ZNF536: variants seen among roughly 807,000 people sequenced by gnomAD.
ZNF536 encodes zinc finger protein 536.
A neutral mutation model predicts 84.5 loss-of-function variants in ZNF536; 13 were observed. The ratio of observed to expected loss-of-function variants is 0.15; its 90% CI spans 0.10 to 0.24. ZNF536 has a LOEUF of 0.24. ZNF536 is among the 10% of genes least tolerant of loss of function. ZNF536 has a pLI of 1.00. For missense variants in ZNF536, 1,536 were observed against 1,747.5 expected (o/e 0.88, Z 2.16); for synonymous variants, 811 against 742.5 (o/e 1.09, Z -1.50).
At chr19:30,514,120 A>G (rs1476129293) in intron 2 of ZNF536, among the ~76,000 whole-genome samples, 1 of 152,168 alleles carries the variant, frequency 6.6e-6, no homozygotes, top group Non-Finnish European at 1.5e-5. Flanking sequence ...GAAGCTGAGC[A>G]GATTGTGCCA....
chr19:30,322,128 C>T (rs2046878174), intron 2 of ZNF536, among the ~76,000 whole-genome samples: 1 of 152,110 alleles, frequency 6.6e-6, no homozygotes, highest in African/African-American at 2.4e-5. Flanking sequence ...AAAAATTGTA[C>T]CACTAGCTTT....
chr19:30,600,750 G>C (rs553196715), intron 1 of ZNF536, among the ~76,000 whole-genome samples: 1 of 152,322 alleles, frequency 6.6e-6, no homozygotes, highest in African/African-American at 2.4e-5. Flanking sequence ...ATTCTGTGAT[G>C]TGTATGCAAG....
intron 2 of ZNF536, among the ~76,000 whole-genome samples, chr19:30,466,728 G>A (rs1445168924): frequency 7.0e-6 from 1 of 142,586 alleles, no homozygotes; most frequent in Non-Finnish European, 1.5e-5. Flanking sequence ...AAGGAAGGAA[G>A]GAGGGAGGGA....
chr19:30,491,184 C>T (rs1014016611), intron 2 of ZNF536, among the ~76,000 whole-genome samples: 3 of 152,126 alleles, frequency 2.0e-5, no homozygotes, highest in Non-Finnish European at 4.4e-5. Context: ...TGGATAATTA[C>T]AATTTTACTC....
chr19:30,522,253 A>ATATATATATATATATGTGTATATT (rs1568512069), intron 2 of ZNF536, among the ~76,000 whole-genome samples: 1 of 132,060 alleles, frequency 7.6e-6, no homozygotes, highest in African/African-American at 2.7e-5. Flanking sequence ...GCAGAGCTGG[A>ATATATATATATATATGTGTATATT]TATATATACA....
intron 2 of ZNF536, among the ~76,000 whole-genome samples, chr19:30,303,260 A>C (rs2046243528): frequency 2.0e-5 from 3 of 152,082 alleles, no homozygotes; most frequent in African/African-American, 7.2e-5. Context: ...CAGCTTCTGG[A>C]GGGCAGGCGC....
At chr19:30,432,072 G>A (rs1023957041) in intron 1 of ZNF536, among the ~76,000 whole-genome samples, 2 of 151,366 alleles carry the variant, frequency 1.3e-5, no homozygotes, top group African/African-American at 4.9e-5. Flanking sequence ...GAGAGAGAGA[G>A]TTCTTGTTGC....
intron 2 of ZNF536, among the ~76,000 whole-genome samples, chr19:30,487,120 A>G (rs932217718): frequency 6.6e-6 from 1 of 152,250 alleles, no homozygotes; most frequent in Non-Finnish European, 1.5e-5. Context: ...CAATTTGTCA[A>G]TACCCATCAG....
At chr19:30,602,413 T>A (rs1056113555) in intron 1 of ZNF536, among the ~76,000 whole-genome samples, 3 of 152,356 alleles carry the variant, frequency 2.0e-5, no homozygotes, top group African/African-American at 7.2e-5. Flanking sequence ...GTGGGCTCTG[T>A]GCTGCGTGGA....
At chr19:30,600,199 C>A (rs2047636626) in intron 1 of ZNF536, among the ~76,000 whole-genome samples, 1 of 152,096 alleles carries the variant, frequency 6.6e-6, no homozygotes, top group African/African-American at 2.4e-5. Context: ...TGTAAGCGAT[C>A]CTTCTGCCTT....
At chr19:30,282,226 A>G (rs1425926371) in intron 1 of ZNF536, among the ~76,000 whole-genome samples, 2 of 152,214 alleles carry the variant, frequency 1.3e-5, no homozygotes, top group African/African-American at 4.8e-5. Flanking sequence ...GTGAGGCTGT[A>G]CTCGTCAGCT....
intron 2 of ZNF536, among the ~76,000 whole-genome samples, chr19:30,455,114 T>A (rs1433339405): frequency 6.6e-6 from 1 of 152,228 alleles, no homozygotes; most frequent in Non-Finnish European, 1.5e-5. Context: ...ACTGACTTTA[T>A]GATGCTGTTG....
At chr19:30,338,708 G>A (rs2047467340) in intron 2 of ZNF536, among the ~76,000 whole-genome samples, 1 of 152,144 alleles carries the variant, frequency 6.6e-6, no homozygotes, top group South Asian at 2.1e-4. Context: ...TCACAGGGTT[G>A]TTGTAAGGAT....
chr19:30,601,676 G>C (rs1017330868), intron 1 of ZNF536, among the ~76,000 whole-genome samples: 23 of 152,260 alleles, frequency 1.5e-4, no homozygotes, highest in African/African-American at 5.3e-4. Flanking sequence ...TGGGCAGCTC[G>C]TTCTCAGACC....
At chr19:30,534,459 T>C (rs2044985318) in intron 2 of ZNF536, among the ~76,000 whole-genome samples, 1 of 152,160 alleles carries the variant, frequency 6.6e-6, no homozygotes, top group South Asian at 2.1e-4. Context: ...ATGATTTCAG[T>C]CCCATAGTGA....
chr19:30,242,505 C>T (rs183111415), intron 1 of ZNF536, among the ~76,000 whole-genome samples: 39 of 152,336 alleles, frequency 2.6e-4, no homozygotes, highest in African/African-American at 8.9e-4. Flanking sequence ...CTCTTTCCTA[C>T]GCATGGCTGC....
chr19:30,560,916 T>A (rs989200548), downstream of ZNF536, among the ~76,000 whole-genome samples: 2 of 152,236 alleles, frequency 1.3e-5, no homozygotes, highest in African/African-American at 4.8e-5. Flanking sequence ...GAGCAAGGGA[T>A]GCGCATTTTC....
intron 1 of ZNF536, among the ~76,000 whole-genome samples, chr19:30,673,527 C>T (rs890997242): frequency 2.0e-5 from 3 of 152,180 alleles, no homozygotes; most frequent in South Asian, 2.1e-4. Flanking sequence ...CTGGCACATA[C>T]ATCGCCCGCA....
At chr19:30,542,933 T>G (rs1455973648) in intron 3 of ZNF536, among the ~76,000 whole-genome samples, 1 of 152,096 alleles carries the variant, frequency 6.6e-6, no homozygotes, top group Non-Finnish European at 1.5e-5. Flanking sequence ...TGCCTCAGCC[T>G]CCCAAGTAGC....
Sources: allele counts gnomAD v4.1 joint callset (sites outside exome capture counted in the v4.1 genomes callset), GRCh38; gene constraint gnomAD v4.1.1; transcripts MANE v1.5; gene names NCBI Gene and HGNC (gene_info 2026-07-23, HGNC 2026-07-21).